Variants in SUPT3H observed in about 807,000 individuals in gnomAD.
The protein encoded by SUPT3H is transcription initiation protein SPT3 homolog.
SUPT3H carries 44 observed loss-of-function variants against 44.3 expected under a neutral mutation model. The ratio of observed to expected loss-of-function variants is 0.99; its 90% CI spans 0.78 to 1.28. The LOEUF (loss-of-function observed/expected upper bound fraction) is 1.28. Among genes scored for constraint, SUPT3H ranks in the 50% most tolerant of loss-of-function variants. The probability of loss-of-function intolerance (pLI) is 0.00; values close to 1 mark genes in which losing one functional copy is unlikely to be tolerated. For synonymous variants in SUPT3H, 124 were observed against 125.6 expected (o/e 0.99, Z 0.09); for missense variants, 380 against 387.1 (o/e 0.98, Z 0.15).
intron 11 of SUPT3H, among the ~76,000 whole-genome samples, chr6:44,813,500 A>G (rs899338862): frequency 6.6e-6 from 1 of 151,742 alleles, no homozygotes; most frequent in African/African-American, 2.4e-5. Flanking sequence ...CAGAGCGTCT[A>G]TATCTTTTGC....
chr6:45,105,673 G>A (rs932217583), intron 3 of SUPT3H, among the ~76,000 whole-genome samples: 13 of 151,904 alleles, frequency 8.6e-5, no homozygotes, highest in Admixed American at 2.6e-4. Flanking sequence ...GGGGAACAAG[G>A]GTTTGTTTTA....
In SUPT3H at chr6:44,853,981, A is replaced by C. The variant is rs191867421; in HGVS notation, c.913-24124T>G. 5.3e-3 allele frequency among the ~76,000 whole-genome samples: 796 copies of C among 150,882 alleles called. 4 individuals are homozygous for C. Among genetic ancestry groups the C allele is most frequent in the African/African-American group, 0.018 (742 of 41,356 alleles). Reference sequence around the variant, plus strand: ...CTGGTTCTCAATTGCCTTTAGCTAAAAAAAAAAAAAAGTCAAAGTGGTATA... The same window carrying C: ...CTGGTTCTCAATTGCCTTTAGCTAACAAAAAAAAAAAGTCAAAGTGGTATA... On this transcript the variant is annotated intron_variant, in intron 10 of 10. Transcript: ENST00000371459.
At chr6:44,979,375 C>A (rs926285735) in intron 6 of SUPT3H, among the ~76,000 whole-genome samples, 2 of 152,154 alleles carry the variant, frequency 1.3e-5, no homozygotes, top group Non-Finnish European at 2.9e-5. Context: ...GAACAAAATT[C>A]TTCAAATTAG....
At chr6:45,284,343 C>T (rs959302735) in intron 2 of SUPT3H, among the ~76,000 whole-genome samples, 5 of 151,698 alleles carry the variant, frequency 3.3e-5, no homozygotes, top group Non-Finnish European at 7.4e-5. Flanking sequence ...ATTGACAGAC[C>T]GCTACCAAGA....
chr6:45,176,508 G>A (rs1811909300), intron 2 of SUPT3H, among the ~76,000 whole-genome samples: 1 of 152,124 alleles, frequency 6.6e-6, no homozygotes, highest in Non-Finnish European at 1.5e-5. Flanking sequence ...AGGGGCGCCT[G>A]CCATTGCCCA....
At chr6:45,356,319 A>C (rs1793165573) in intron 2 of SUPT3H, among the ~76,000 whole-genome samples, 1 of 152,106 alleles carries the variant, frequency 6.6e-6, no homozygotes, top group Non-Finnish European at 1.5e-5. Flanking sequence ...GTATATTAAA[A>C]ACACACACAC....
intron 5 of SUPT3H, among the ~76,000 whole-genome samples, chr6:45,005,160 T>C (rs1782530822): frequency 6.6e-6 from 1 of 152,098 alleles, no homozygotes; most frequent in African/African-American, 2.4e-5. Flanking sequence ...GAATGCCTTG[T>C]CTCTCCATGA....
intron 2 of SUPT3H, among the ~76,000 whole-genome samples, chr6:45,235,108 A>C (rs1370291221): frequency 6.6e-6 from 1 of 152,194 alleles, no homozygotes; most frequent in African/African-American, 2.4e-5. Context: ...CCAATGATAC[A>C]AGTGACAAAT....
intron 6 of SUPT3H, among the ~76,000 whole-genome samples, chr6:44,996,387 C>T (rs951288239): frequency 6.6e-6 from 1 of 151,788 alleles, no homozygotes; most frequent in Non-Finnish European, 1.5e-5. Flanking sequence ...ATAAATGATA[C>T]TGATAGTTTT....
intron 3 of SUPT3H, among the ~76,000 whole-genome samples, chr6:45,086,789 C>T (rs1185987312): frequency 2.0e-5 from 3 of 151,606 alleles, no homozygotes; most frequent in East Asian, 1.9e-4. Flanking sequence ...AATAGGTACA[C>T]GGCTAAAATA....
chr6:45,082,044 G>C (rs1333481257), intron 3 of SUPT3H, among the ~76,000 whole-genome samples: 1 of 152,022 alleles, frequency 6.6e-6, no homozygotes, highest in African/African-American at 2.4e-5. Flanking sequence ...AAAATCTAGA[G>C]GAAATGGATA....
At position 45,354,043 on chromosome 6, in the gene SUPT3H, T is replaced by C. The variant is rs552976749; in HGVS notation, c.101+11158A>G. Reference sequence around the variant, plus strand: ...AACACAATATTTTTACTGTTAAAAATTGTCAGGGAAGATGGAGGGAGGTGC... The same window carrying C: ...AACACAATATTTTTACTGTTAAAAACTGTCAGGGAAGATGGAGGGAGGTGC... On this transcript the variant is annotated intron_variant, in intron 2 of 10. Coordinates refer to ENST00000371459, the MANE Select transcript of SUPT3H (RefSeq NM_003599.4). 2.0e-5 allele frequency among the ~76,000 whole-genome samples: 3 copies of C among 152,214 alleles called. No individual in the cohort carries two copies. The East Asian group carries it at 5.8e-4, about 29-fold the overall frequency.
At chr6:44,882,888 A>C (rs1024130774) in intron 10 of SUPT3H, among the ~76,000 whole-genome samples, 1 of 152,174 alleles carries the variant, frequency 6.6e-6, no homozygotes, top group Non-Finnish European at 1.5e-5. Flanking sequence ...ACGTATCTCA[A>C]AATAATAAGA....
chr6:45,243,747 T>A (rs1346420832), intron 2 of SUPT3H, among the ~76,000 whole-genome samples: 1 of 152,210 alleles, frequency 6.6e-6, no homozygotes, highest in African/African-American at 2.4e-5. Flanking sequence ...AACTACTAAG[T>A]AAAAATTTTC....
intron 10 of SUPT3H, among the ~76,000 whole-genome samples, chr6:44,857,664 G>A (rs1449973683): frequency 6.6e-6 from 1 of 151,872 alleles, no homozygotes; most frequent in Non-Finnish European, 1.5e-5. Flanking sequence ...CTTTTTAGTC[G>A]ATTTTTCTTA....
chr6:44,982,718 G>C (rs1368593269), intron 6 of SUPT3H, among the ~76,000 whole-genome samples: 2 of 152,156 alleles, frequency 1.3e-5, no homozygotes, highest in African/African-American at 2.4e-5. Context: ...TGCTGATTTA[G>C]AGAATGAAGA....
At chr6:44,924,461 C>T (rs2153458045) in intron 10 of SUPT3H, among the ~76,000 whole-genome samples, 1 of 152,162 alleles carries the variant, frequency 6.6e-6, no homozygotes, top group East Asian at 1.9e-4. Context: ...GAATACTTGT[C>T]TTCTACAGAA....
intron 3 of SUPT3H, among the ~76,000 whole-genome samples, chr6:45,042,266 T>TA (rs906665998): frequency 2.6e-5 from 4 of 151,760 alleles, no homozygotes; most frequent in Non-Finnish European, 5.9e-5. Context: ...CTACTAAAAA[T>TA]AAAAAAATTA....
chr6:45,248,906 T>A, intron 2 of SUPT3H, among the ~76,000 whole-genome samples: 1 of 134,980 alleles, frequency 7.4e-6, no homozygotes, highest in Non-Finnish European at 1.6e-5. Context: ...AGAGCAAGAC[T>A]CCATCTCAAA....
Sources: allele counts gnomAD v4.1 joint callset (sites outside exome capture counted in the v4.1 genomes callset), GRCh38; gene constraint gnomAD v4.1.1; transcripts MANE v1.5; gene names NCBI Gene and HGNC (gene_info 2026-07-23, HGNC 2026-07-21).